FMOD: variants seen among roughly 807,000 people sequenced by gnomAD.
FMOD encodes KSPG fibromodulin.
In FMOD, 15 loss-of-function variants were observed where a neutral mutation model predicts 27.0. The observed-to-expected ratio is 0.55, with a 90% confidence interval of 0.37 to 0.85. FMOD has a LOEUF of 0.85. Ranked by LOEUF, FMOD falls within the 40% of genes least tolerant of loss-of-function variation. The pLI, the probability that FMOD is intolerant of heterozygous loss-of-function variation, is 0.00. For synonymous variants in FMOD, 210 were observed against 214.0 expected (o/e 0.98, Z 0.16); for missense variants, 460 against 483.2 (o/e 0.95, Z 0.45).
rs1244202380 is a variant in FMOD at position 203,340,908 on chromosome 1, T to C, written c.*1435A>G. ...AGCATACACAGTATCAGGGATGTGATGGCATCTGGGCAGAGCCTATACTTG... is the reference window on the plus strand; with the variant it reads ...AGCATACACAGTATCAGGGATGTGACGGCATCTGGGCAGAGCCTATACTTG... On this transcript the variant is annotated 3_prime_UTR_variant, in exon 3 of 3. Transcript: ENST00000354955. The C allele has an allele frequency of 6.6e-6, 1 of 152,258 alleles. No homozygotes were observed. The highest frequency in any genetic ancestry group is 1.5e-5 in the Non-Finnish European group (1 of 68,048). The allele number at this position is 152,258 out of a possible 1,614,324, so 9.4% of individuals were successfully genotyped here.
In FMOD at chr1:203,347,823, C is replaced by A; in HGVS notation, c.448G>T (p.Val150Phe). 6.2e-7 allele frequency: 1 copy of A among 1,614,006 alleles called. No homozygotes were observed. The highest frequency in any genetic ancestry group is 1.1e-5 in the South Asian group (1 of 91,076). ...TCCAGGTGCCTCAGCTTGGAGAAGA[C>A]CTTCCTGCCCACCTTATCACTGGTG... The part of the protein sequence containing the change: ...QITSDKVGRK[V>F]FSKLRHLERL... Residue 150 changes from valine (V) to phenylalanine (F), a missense_variant, in exon 2 of 3, where the codon GTC (valine) becomes TTC (phenylalanine). Physicochemically the swap from Val to Phe is conservative, Grantham distance 50. Coordinates refer to ENST00000354955, the MANE Select transcript of FMOD (RefSeq NM_002023.5).
intron 1 of FMOD, among the ~76,000 whole-genome samples, chr1:203,348,791 G>T (rs561750048): frequency 2.0e-5 from 3 of 152,226 alleles, no homozygotes; most frequent in Non-Finnish European, 4.4e-5. Flanking sequence ...TTGACGCATC[G>T]AAGGGGAAGA....
intron 1 of FMOD, among the ~76,000 whole-genome samples, chr1:203,348,604 T>A (rs1658938721): frequency 6.6e-6 from 1 of 152,072 alleles, no homozygotes; most frequent in Non-Finnish European, 1.5e-5. Context: ...ACTCTGAAAG[T>A]CCTGTGGGAA....
At position 203,348,013 on chromosome 1, in the gene FMOD, G is replaced by A. The variant is rs866066929; in HGVS notation, c.258C>T (p.Phe86=). 1 of 1,609,288 alleles carries A rather than the reference G, an allele frequency of 6.2e-7. No homozygotes were observed. Among genetic ancestry groups the A allele is most frequent in the Non-Finnish European group, 8.5e-7 (1 of 1,177,122 alleles). The change falls in exon 2 of 3, where the codon TTC becomes TTT. Residue 86 remains phenylalanine, a synonymous_variant. Coordinates refer to ENST00000354955, the MANE Select transcript of FMOD (RefSeq NM_002023.5). ...CPQECDCPPN[F]PTAMYCDNRN... Reference sequence around the variant, plus strand: ...GATTGTCACAGTACATGGCCGTGGGGAAGTTGGGTGGGCAGTCGCACTCCT... The same window carrying A: ...GATTGTCACAGTACATGGCCGTGGGAAAGTTGGGTGGGCAGTCGCACTCCT...
Position 203,348,105 on chromosome 1 carries a change from C to T in FMOD, c.166G>A (p.Gly56Arg). 6.2e-7 allele frequency: 1 copy of T among 1,614,154 alleles called. No homozygotes were observed. Among genetic ancestry groups the T allele is most frequent in the Non-Finnish European group, 8.5e-7 (1 of 1,180,032 alleles). The change falls in exon 2 of 3, where the codon GGG (glycine) becomes AGG (arginine). Residue 56 changes from glycine to arginine, a missense_variant. By Grantham distance (125) the Gly-to-Arg change is moderately radical (BLOSUM62 -2). Coordinates refer to ENST00000354955, the MANE Select transcript of FMOD (RefSeq NM_002023.5). ...PYETYEPYPY[G>R]VDEGPAYTYG... is the part of the protein sequence containing the mutation. Reference sequence around the variant, plus strand: ...GTGTAGGCTGGCCCTTCATCCACCCCATAGGGGTAAGGCTCGTAGGTCTCA... The same window carrying T: ...GTGTAGGCTGGCCCTTCATCCACCCTATAGGGGTAAGGCTCGTAGGTCTCA...
chr1:203,342,974 G>C (rs1658823365), intron 2 of FMOD, among the ~76,000 whole-genome samples: 1 of 152,114 alleles, frequency 6.6e-6, no homozygotes, highest in Non-Finnish European at 1.5e-5. Flanking sequence ...TAGAAAAAGT[G>C]GCAGGAAATT....
intron 2 of FMOD, among the ~76,000 whole-genome samples, chr1:203,345,200 G>A (rs571015884): frequency 8.5e-5 from 13 of 152,292 alleles, no homozygotes; most frequent in African/African-American, 1.9e-4. Flanking sequence ...AGTAGACACC[G>A]AAAATTTGGG....
chr1:203,345,342 G>C (rs1364702353), intron 2 of FMOD, among the ~76,000 whole-genome samples: 1 of 152,198 alleles, frequency 6.6e-6, no homozygotes, highest in East Asian at 1.9e-4. Flanking sequence ...AAGGCAGAAC[G>C]ATGATAAAAG....
chr1:203,345,628 G>A (rs771661288), intron 2 of FMOD, among the ~76,000 whole-genome samples: 3 of 152,232 alleles, frequency 2.0e-5, no homozygotes, highest in African/African-American at 4.8e-5. Context: ...GCTGGGCGCG[G>A]TGGCTCATGC....
chr1:203,343,631 T>C (rs1355993180), intron 2 of FMOD, among the ~76,000 whole-genome samples: 1 of 152,220 alleles, frequency 6.6e-6, no homozygotes, highest in Non-Finnish European at 1.5e-5. Flanking sequence ...AGCTGGGGCT[T>C]GCTGTTGTAC....
chr1:203,348,053 G>T lies in FMOD; in HGVS notation c.218C>A (p.Pro73His). Residue 73 changes from proline (P) to histidine (H), a missense_variant, in exon 2 of 3, where the codon CCC becomes CAC. Coordinates refer to ENST00000354955, the MANE Select transcript of FMOD (RefSeq NM_002023.5). ...GTCGCACTCCTGGGGGCAGTCGCGG[G>T]GATCTGGAGGGGATGGAGAGCCGTA... The part of the protein sequence containing the change: ...YTYGSPSPPD[P>H]RDCPQECDCP... 6.2e-7 allele frequency: 1 copy of T among 1,613,454 alleles called. No individual in the cohort carries two copies. The highest frequency in any genetic ancestry group is 8.5e-7 in the Non-Finnish European group (1 of 1,179,594).
rs1658906944 is a variant in FMOD at position 203,347,409 on chromosome 1, T to C, written c.862A>G (p.Asn288Asp). The C allele has an allele frequency of 6.2e-7, 1 of 1,614,100 alleles. No individual in the cohort carries two copies. The highest frequency in any genetic ancestry group is 1.1e-5 in the South Asian group (1 of 91,084). Residue 288 changes from asparagine to aspartate, a missense_variant, in exon 2 of 3, where the codon AAC becomes GAC. Coordinates refer to ENST00000354955, the MANE Select transcript of FMOD (RefSeq NM_002023.5). ...NSLTNNGLAS[N>D]TFNSSSLLEL... is the part of the protein sequence containing the mutation. ...AGGAGGCTGCTGGAATTGAAGGTGTTGGAGGCCAGGCCATTGTTGGTTAGA... is the reference window on the plus strand; with the variant it reads ...AGGAGGCTGCTGGAATTGAAGGTGTCGGAGGCCAGGCCATTGTTGGTTAGA...
intron 2 of FMOD, among the ~76,000 whole-genome samples, chr1:203,343,702 G>A (rs377279924): frequency 2.0e-5 from 3 of 152,212 alleles, no homozygotes; most frequent in African/African-American, 7.2e-5. Flanking sequence ...GGCCAGGCAC[G>A]AGGAGTGGGG....
In FMOD at chr1:203,342,110, A is replaced by T; in HGVS notation, c.*233T>A. 2.0e-6 allele frequency: 1 copy of T among 490,776 alleles called. No individual in the cohort carries two copies. The highest frequency in any genetic ancestry group is 3.6e-6 in the Non-Finnish European group (1 of 277,436). 30.4% of individuals were successfully genotyped at this position (490,776 alleles called of 1,614,324 possible). A position where few individuals can be genotyped will look rare whatever the true frequency, so the allele number is the denominator to read the frequency against. On this transcript the variant is annotated 3_prime_UTR_variant, in exon 3 of 3. Transcript: ENST00000354955. ...GGTTGGAACATCCAGGGATCCTTCCATCTACCACCACTTCTGTCCCTGGAA... is the reference window on the plus strand; with the variant it reads ...GGTTGGAACATCCAGGGATCCTTCCTTCTACCACCACTTCTGTCCCTGGAA...
chr1:203,345,270 C>G (rs558008434), intron 2 of FMOD, among the ~76,000 whole-genome samples: 2 of 152,280 alleles, frequency 1.3e-5, no homozygotes, highest in African/African-American at 2.4e-5. Flanking sequence ...ATTTTATTTT[C>G]TGACAAGCGT....
Position 203,346,706 on chromosome 1 carries a change from C to T in FMOD, c.979+586G>A, listed in dbSNP as rs952165201. Among the ~76,000 whole-genome samples, 5 of 152,212 alleles carry T rather than the reference C, an allele frequency of 3.3e-5. No individual in the cohort carries two copies. In the East Asian group the frequency reaches 7.7e-4, roughly 24 times the overall value. ...CCAAAACACAAGACCAGGCTGTAGA[C>T]GCAAGAGTAGTTCAAGTGGAAAAAG... On this transcript the variant is annotated intron_variant, in intron 2 of 2. Transcript: ENST00000354955.
At chr1:203,344,332 T>C (rs1658849540) in intron 2 of FMOD, among the ~76,000 whole-genome samples, 1 of 152,112 alleles carries the variant, frequency 6.6e-6, no homozygotes, top group South Asian at 2.1e-4. Flanking sequence ...ATGTGGGACA[T>C]ACCTGTGGGG....
rs777618689 is a variant in FMOD, at chr1:203,347,551, A to G, written c.720T>C (p.Asp240=). 1.2e-6 allele frequency: 2 copies of G among 1,614,182 alleles called. No individual in the cohort carries two copies. The highest frequency in any genetic ancestry group is 1.7e-6 in the Non-Finnish European group (2 of 1,180,026). ...GCTGCTCAAGAGCTGAGGGCAGCCC[A>G]TCAGGCACCTTCCGAAGGTGGTTAT... ...LSYNHLRKVP[D]GLPSALEQLY... is the part of the protein sequence containing the mutation. The change falls in exon 2 of 3, where the codon GAT becomes GAC. Residue 240 remains aspartate, a synonymous_variant. Coordinates refer to ENST00000354955, the MANE Select transcript of FMOD (RefSeq NM_002023.5).
At chr1:203,342,614 G>T in intron 2 of FMOD, 120 bp from the exon 3 acceptor site, 1 of 972,920 alleles carries the variant, frequency 1.0e-6, no homozygotes, top group Non-Finnish European at 1.5e-6. Context: ...GGGATGGAGG[G>T]CAGATGTTTT....
Sources: allele counts gnomAD v4.1 joint callset (sites outside exome capture counted in the v4.1 genomes callset), GRCh38; gene constraint gnomAD v4.1.1; transcripts MANE v1.5; gene names NCBI Gene and HGNC (gene_info 2026-07-23, HGNC 2026-07-21).